LDB2: variants seen among roughly 807,000 people sequenced by gnomAD.
The protein encoded by LDB2 is LIM domain binding 2.
Under a neutral mutation model 44.3 loss-of-function variants are expected in LDB2, and 12 were observed. The ratio of observed to expected loss-of-function variants is 0.27; its 90% CI spans 0.17 to 0.44. The LOEUF is 0.44. LDB2 is among the 20% of genes least tolerant of loss of function. LDB2 has a pLI of 1.00. For missense variants in LDB2, 344 were observed against 473.5 expected (o/e 0.73, Z 2.54); for synonymous variants, 164 against 174.8 (o/e 0.94, Z 0.49).
At chr4:16,549,438 G>C (rs759797344) in intron 5 of LDB2, among the ~76,000 whole-genome samples, 6 of 152,206 alleles carry the variant, frequency 3.9e-5, no homozygotes, top group Non-Finnish European at 8.8e-5. Context: ...CAGTCTATCA[G>C]CAAATACTAT....
chr4:16,688,613 G>C (rs896228512), intron 2 of LDB2, among the ~76,000 whole-genome samples: 1 of 152,174 alleles, frequency 6.6e-6, no homozygotes, highest in African/African-American at 2.4e-5. Context: ...TTCTCTCACA[G>C]AGTCTTGAAT....
intron 5 of LDB2, among the ~76,000 whole-genome samples, chr4:16,516,886 C>T (rs886164493): frequency 2.0e-5 from 3 of 152,138 alleles, no homozygotes; most frequent in Admixed American, 6.5e-5. Flanking sequence ...GTGGAGAGTC[C>T]GGGGCTGGAG....
intron 1 of LDB2, among the ~76,000 whole-genome samples, chr4:16,892,778 T>G (rs1325650346): frequency 1.3e-5 from 2 of 152,176 alleles, no homozygotes; most frequent in Non-Finnish European, 2.9e-5. Context: ...TACTTTAAAT[T>G]AATTTCTTTC....
chr4:16,690,880 C>T (rs1249611512), intron 2 of LDB2, among the ~76,000 whole-genome samples: 1 of 152,130 alleles, frequency 6.6e-6, no homozygotes, highest in African/African-American at 2.4e-5. Flanking sequence ...GTTAAAATGA[C>T]TCTGCAATTA....
intron 5 of LDB2, among the ~76,000 whole-genome samples, chr4:16,558,754 A>T (rs1371915171): frequency 2.0e-5 from 3 of 152,120 alleles, no homozygotes; most frequent in Admixed American, 2.0e-4. Flanking sequence ...AAGACACATA[A>T]TTGTCAGATT....
At chr4:16,505,662 C>A (rs1185304981) in intron 7 of LDB2, among the ~76,000 whole-genome samples, 3 of 151,066 alleles carry the variant, frequency 2.0e-5, no homozygotes, top group African/African-American at 7.3e-5. Context: ...GAGTACATTT[C>A]CTTCCCATCT....
At chr4:16,586,509 CACACACACACACACACAAA>C (rs1716924581) in intron 4 of LDB2, among the ~76,000 whole-genome samples, 5 of 137,836 alleles carry the variant, frequency 3.6e-5, no homozygotes, top group South Asian at 2.3e-4. Flanking sequence ...CACACACACA[CACACACACACACACACAAA>C]ACACACACAC....
At chr4:16,688,804 T>A (rs1749889051) in intron 2 of LDB2, among the ~76,000 whole-genome samples, 1 of 152,260 alleles carries the variant, frequency 6.6e-6, no homozygotes, top group Non-Finnish European at 1.5e-5. Flanking sequence ...ATCTCTAGCT[T>A]CTATTCTTGC....
At chr4:16,841,962 C>T (rs956529818) in intron 1 of LDB2, among the ~76,000 whole-genome samples, 1 of 152,144 alleles carries the variant, frequency 6.6e-6, no homozygotes, top group African/African-American at 2.4e-5. Context: ...CTTCAAGAGG[C>T]CATCAAGACC....
intron 2 of LDB2, among the ~76,000 whole-genome samples, chr4:16,652,711 C>T (rs1006591425): frequency 4.6e-5 from 7 of 152,164 alleles, no homozygotes. Flanking sequence ...CTCCAAAATA[C>T]ACCAGGTGTG....
chr4:16,885,433 G>A (rs1443936297), intron 1 of LDB2, among the ~76,000 whole-genome samples: 1 of 152,196 alleles, frequency 6.6e-6, no homozygotes, highest in Non-Finnish European at 1.5e-5. Flanking sequence ...TGTTATGACT[G>A]ATACAAATAT....
chr4:16,650,903 C>T (rs781023991), intron 2 of LDB2, among the ~76,000 whole-genome samples: 1 of 152,342 alleles, frequency 6.6e-6, no homozygotes, highest in Non-Finnish European at 1.5e-5. Flanking sequence ...ACTTCCCAAA[C>T]CCAAATGTGA....
At chr4:16,637,983 G>C (rs1034793697) in intron 2 of LDB2, among the ~76,000 whole-genome samples, 5 of 152,160 alleles carry the variant, frequency 3.3e-5, no homozygotes, top group Non-Finnish European at 7.3e-5. Context: ...TCACCTCTCT[G>C]TGCTTCATTT....
chr4:16,862,722 A>T (rs1288520889), intron 1 of LDB2, among the ~76,000 whole-genome samples: 4 of 149,798 alleles, frequency 2.7e-5, no homozygotes, highest in African/African-American at 9.8e-5. Flanking sequence ...ATCTGTGACC[A>T]CAATGTTTGC....
intron 1 of LDB2, among the ~76,000 whole-genome samples, chr4:16,844,087 T>TAAAAA (rs71181192): frequency 7.8e-4 from 92 of 117,832 alleles, no homozygotes; most frequent in East Asian, 2.0e-3. Flanking sequence ...ACCCCATCTC[T>TAAAAA]AAAAAAAAAA....
At chr4:16,667,783 G>A (rs6449263) in intron 2 of LDB2, among the ~76,000 whole-genome samples, 70,051 of 151,968 alleles carry the variant, frequency 0.46, 16,587 homozygotes, top group African/African-American at 0.57. Flanking sequence ...GGGTTGAGGG[G>A]CCAGATGTGC....
intron 1 of LDB2, among the ~76,000 whole-genome samples, chr4:16,772,020 G>A (rs958253725): frequency 3.3e-5 from 5 of 152,202 alleles, no homozygotes; most frequent in East Asian, 3.9e-4. Flanking sequence ...AGCACAGCCC[G>A]CAGATCTAGG....
intron 2 of LDB2, among the ~76,000 whole-genome samples, chr4:16,672,619 G>T (rs1643870868): frequency 1.3e-5 from 2 of 152,158 alleles, no homozygotes; most frequent in African/African-American, 4.8e-5. Context: ...CAGCACAAAG[G>T]CAGATAGATA....
chr4:16,895,120 T>TAAA (rs71181199), intron 1 of LDB2, among the ~76,000 whole-genome samples: 3,877 of 124,528 alleles, frequency 0.031, 186 homozygotes, highest in African/African-American at 0.11. Context: ...TTTTTCATGC[T>TAAA]AAAAAAAAAA....
Sources: gnomAD v4.1 joint callset for allele counts (sites outside exome capture counted in the v4.1 genomes callset) on GRCh38, gnomAD v4.1.1 for gene constraint, MANE v1.5 for transcripts, NCBI Gene and HGNC (gene_info 2026-07-23, HGNC 2026-07-21) for gene names.